Variants in PTGER3 observed in about 807,000 individuals in gnomAD.
PTGER3 encodes the protein prostaglandin E receptor 3, also known as prostaglandin E2 receptor EP3 subtype.
A neutral mutation model predicts 34.7 loss-of-function variants in PTGER3; 22 were observed. The ratio of observed to expected loss-of-function variants is 0.63; its 90% CI spans 0.45 to 0.91. The LOEUF (loss-of-function observed/expected upper bound fraction) is 0.91. Ranked by LOEUF, PTGER3 falls within the 40% of genes least tolerant of loss-of-function variation. The pLI is 0.00. For missense variants in PTGER3, 468 were observed against 519.4 expected, an observed-to-expected ratio of 0.90 and a Z score of 0.96; for synonymous variants, 241 against 230.1, an observed-to-expected ratio of 1.05 and a Z score of -0.43.
At chr1:71,044,061 T>C in intron 1 of PTGER3, among the ~76,000 whole-genome samples, 1 of 151,134 alleles carries the variant, frequency 6.6e-6, no homozygotes, top group East Asian at 2.0e-4. Context: ...AATGATCCAC[T>C]CACCTCGGCC....
At chr1:71,010,256 G>T in intron 2 of PTGER3, 2 of 983,744 alleles carry the variant, frequency 2.0e-6, no homozygotes, top group Non-Finnish European at 2.4e-6. Context: ...GTGTTGTACA[G>T]CAGTATGACA....
chr1:70,881,704 C>T (rs1037433000), intron 4 of PTGER3, among the ~76,000 whole-genome samples: 8 of 152,120 alleles, frequency 5.3e-5, no homozygotes, highest in African/African-American at 1.9e-4. Flanking sequence ...GGAGACCCCT[C>T]CAATTACTGT....
chr1:70,981,372 TTTCTTTCTTTCTTTCTTTCTTTCC>T (rs1338375473), intron 2 of PTGER3, among the ~76,000 whole-genome samples: 228 of 109,096 alleles, frequency 2.1e-3, no homozygotes, highest in Middle Eastern at 8.7e-3. Flanking sequence ...TCTTTCTTTC[TTTCTTTCTTTCTTTCTTTCTTTCC>T]TTCCTTCCTT....
At chr1:70,941,078 G>T (rs1649713221) in intron 4 of PTGER3, among the ~76,000 whole-genome samples, 2 of 152,170 alleles carry the variant, frequency 1.3e-5, no homozygotes, top group Admixed American at 6.6e-5. Flanking sequence ...ATACTTGATA[G>T]ATACTTGCAA....
intron 4 of PTGER3, among the ~76,000 whole-genome samples, chr1:70,927,547 A>C (rs1245144901): frequency 6.6e-6 from 1 of 152,220 alleles, no homozygotes; most frequent in Non-Finnish European, 1.5e-5. Flanking sequence ...GAGCTTGTTC[A>C]GCCACATTTA....
intron 2 of PTGER3, chr1:71,009,194 A>G: frequency 1.0e-6 from 1 of 985,264 alleles, no homozygotes; most frequent in Non-Finnish European, 1.2e-6. Context: ...TTATTAAAAT[A>G]CTGTTTGCCA....
chr1:70,964,527 C>T (rs939655885), intron 2 of PTGER3, among the ~76,000 whole-genome samples: 33 of 152,108 alleles, frequency 2.2e-4, no homozygotes, highest in Non-Finnish European at 3.2e-4. Context: ...AGGGGAACTC[C>T]CCTTTATAAA....
intron 4 of PTGER3, among the ~76,000 whole-genome samples, chr1:70,854,260 C>A (rs912623357): frequency 5.9e-5 from 9 of 151,812 alleles, no homozygotes; most frequent in African/African-American, 2.2e-4. Context: ...ATAAAGAATG[C>A]CTATAATTTA....
intron 1 of PTGER3, among the ~76,000 whole-genome samples, chr1:71,017,348 C>T (rs1190316146): frequency 6.6e-6 from 1 of 152,056 alleles, no homozygotes; most frequent in Non-Finnish European, 1.5e-5. Flanking sequence ...CTGAAAAAGG[C>T]AAAGAAACAC....
At chr1:70,920,962 C>G (rs1379047070) in intron 4 of PTGER3, among the ~76,000 whole-genome samples, 2 of 152,198 alleles carry the variant, frequency 1.3e-5, no homozygotes, top group Non-Finnish European at 2.9e-5. Context: ...ACAGACAAGA[C>G]TGCTCAAGAA....
At position 70,953,694 on chromosome 1, in the gene PTGER3, A is replaced by G. The variant is rs1391859405; in HGVS notation, c.1104+69T>C. 7.2e-6 allele frequency: 11 copies of G among 1,535,094 alleles called. No homozygotes were observed. In the Admixed American group the frequency reaches 1.9e-4, roughly 26 times the overall value. ...AATTTAAGGAAATATGACAAACAGTACAGTTGGCAGAAAGTGAAGAGGTTT... is the reference window on the plus strand; with the variant it reads ...AATTTAAGGAAATATGACAAACAGTGCAGTTGGCAGAAAGTGAAGAGGTTT... On this transcript the variant is annotated intron_variant, in intron 3 of 3. Transcript: ENST00000356595.
chr1:70,926,617 C>T (rs535317244), intron 4 of PTGER3, among the ~76,000 whole-genome samples: 30 of 152,240 alleles, frequency 2.0e-4, no homozygotes, highest in South Asian at 6.2e-4. Context: ...ACAATGATGT[C>T]GTCTGCAAAC....
At chr1:70,883,930 C>T (rs1854150) in intron 4 of PTGER3, 52,808 of 242,106 alleles carry the variant, frequency 0.22, 6,817 homozygotes, top group Admixed American at 0.37. Context: ...AGGCTTGTGG[C>T]GCATGCCTGC....
At chr1:70,852,727 A>G in exon 5 of PTGER3, 3 of 1,306,000 alleles carry the variant, frequency 2.3e-6, no homozygotes, top group Non-Finnish European at 2.2e-6. Flanking sequence ...GGCTTGGGGG[A>G]AGAAGTAAAA....
At chr1:70,932,364 G>A (rs1392835686) in intron 4 of PTGER3, among the ~76,000 whole-genome samples, 1 of 152,202 alleles carries the variant, frequency 6.6e-6, no homozygotes, top group Non-Finnish European at 1.5e-5. Flanking sequence ...TTCCAAAGTC[G>A]CTTCCACATT....
intron 4 of PTGER3, among the ~76,000 whole-genome samples, chr1:70,866,116 G>A (rs944806930): frequency 2.0e-5 from 3 of 152,104 alleles, no homozygotes; most frequent in African/African-American, 4.8e-5. Context: ...CTGAACGCCC[G>A]TCTTAATGCT....
chr1:70,907,822 G>A (rs1646981195), intron 4 of PTGER3, among the ~76,000 whole-genome samples: 2 of 152,162 alleles, frequency 1.3e-5, no homozygotes, highest in Admixed American at 1.3e-4. Context: ...TTCAGAGATG[G>A]GTGGCTCAAT....
chr1:71,035,675 TGTG>T (rs1659756585), intron 1 of PTGER3, among the ~76,000 whole-genome samples: 2 of 152,214 alleles, frequency 1.3e-5, no homozygotes, highest in African/African-American at 4.8e-5. Flanking sequence ...TCATTGTACT[TGTG>T]GTAGAAATCT....
At chr1:70,867,190 T>C (rs1328845363) in intron 4 of PTGER3, among the ~76,000 whole-genome samples, 5 of 152,262 alleles carry the variant, frequency 3.3e-5, no homozygotes, top group Non-Finnish European at 7.3e-5. Context: ...CTAAGAGTTC[T>C]AACTTGTCAT....
Sources: gnomAD v4.1 joint callset for allele counts (sites outside exome capture counted in the v4.1 genomes callset) on GRCh38, gnomAD v4.1.1 for gene constraint, MANE v1.5 for transcripts, NCBI Gene and HGNC (gene_info 2026-07-23, HGNC 2026-07-21) for gene names.